Variants in PKIB observed in about 807,000 individuals in gnomAD.
The protein encoded by PKIB is PKI-beta.
A neutral mutation model predicts 4.5 loss-of-function variants in PKIB; 2 were observed. That is an observed-to-expected ratio of 0.44 (90% confidence interval 0.18 to 1.39). The LOEUF (loss-of-function observed/expected upper bound fraction) is 1.39, where lower values mean the gene tolerates loss of function less well. Among genes scored for constraint, PKIB ranks in the 40% most tolerant of loss-of-function variants. The pLI is 0.27. For missense variants in PKIB, 94 were observed against 92.6 expected, an observed-to-expected ratio of 1.02 and a Z score of -0.06; for synonymous variants, 38 against 36.0, an observed-to-expected ratio of 1.06 and a Z score of -0.20.
At chr6:122,495,217 A>C (rs79836993) in intron 2 of PKIB, among the ~76,000 whole-genome samples, 6 of 152,072 alleles carry the variant, frequency 3.9e-5, no homozygotes, top group Non-Finnish European at 4.4e-5. Context: ...CATGCCACCA[A>C]TAGCAAAGTC....
At chr6:122,688,533 G>A (rs1778184960) in intron 3 of PKIB, among the ~76,000 whole-genome samples, 1 of 152,022 alleles carries the variant, frequency 6.6e-6, no homozygotes, top group Non-Finnish European at 1.5e-5. Context: ...ACTGGTATTA[G>A]TTCTTCTTTA....
rs1188373142 is a variant in PKIB, at chr6:122,591,950, A to T, written c.-161+5943A>T. Among the ~76,000 whole-genome samples, 26 of 150,072 alleles carry T rather than the reference A, an allele frequency of 1.7e-4. 1 individual carries two copies. On this transcript the variant is annotated intron_variant, in intron 3 of 6. Transcript: ENST00000392491. Reference sequence around the variant, plus strand: ...AAAAAACAAAGTGAACTATTTGGTTATTAATGTCCTCAACTGGGATTCAAC... The same window carrying T: ...AAAAAACAAAGTGAACTATTTGGTTTTTAATGTCCTCAACTGGGATTCAAC...
chr6:122,624,067 G>T (rs1365642986), intron 1 of PKIB, among the ~76,000 whole-genome samples: 5 of 152,060 alleles, frequency 3.3e-5, no homozygotes, highest in Admixed American at 2.6e-4. Flanking sequence ...GTTCCAGAAA[G>T]TTTAAGTAAC....
chr6:122,560,506 G>A (rs1326043487), intron 2 of PKIB, among the ~76,000 whole-genome samples: 1 of 151,772 alleles, frequency 6.6e-6, no homozygotes, highest in Non-Finnish European at 1.5e-5. Context: ...TTTCTTTTTT[G>A]GTTATGTCCT....
chr6:122,664,608 C>G (rs182172745), intron 2 of PKIB, among the ~76,000 whole-genome samples: 147 of 152,158 alleles, frequency 9.7e-4, no homozygotes, highest in African/African-American at 3.4e-3. Context: ...GGTAAAGTCT[C>G]ACTATGTTGC....
chr6:122,535,502 C>A (rs1052848350), intron 2 of PKIB, among the ~76,000 whole-genome samples: 5 of 152,038 alleles, frequency 3.3e-5, no homozygotes, highest in African/African-American at 1.2e-4. Flanking sequence ...TTCTGTTGTC[C>A]TATGCTGCCA....
chr6:122,652,452 G>A lies in PKIB; in HGVS notation c.-76+19085G>A, dbSNP rs908278464. 2.6e-5 allele frequency among the ~76,000 whole-genome samples: 4 copies of A among 152,040 alleles called. No individual in the cohort carries two copies. In the South Asian group the frequency reaches 8.3e-4, roughly 32 times the overall value. On this transcript the variant is annotated intron_variant, in intron 2 of 4. Transcript: ENST00000368452. ...GAATTCCTTGGAGGAAACTTAAGCT[G>A]CATGTTTTCTTCATCAGGGAAAGCA...
intron 2 of PKIB, among the ~76,000 whole-genome samples, chr6:122,563,458 G>A (rs1193913951): frequency 4.6e-5 from 7 of 152,074 alleles, no homozygotes; most frequent in African/African-American, 1.7e-4. Flanking sequence ...AGGTGGTGGC[G>A]CTTTCCAGAA....
At chr6:122,618,418 G>A (rs1431967781) in intron 1 of PKIB, among the ~76,000 whole-genome samples, 1 of 151,732 alleles carries the variant, frequency 6.6e-6, no homozygotes, top group African/African-American at 2.4e-5. Context: ...GGCAAGTAAT[G>A]TTTTCCACTT....
intron 1 of PKIB, among the ~76,000 whole-genome samples, chr6:122,618,095 T>C (rs1216416766): frequency 1.3e-5 from 2 of 152,130 alleles, no homozygotes; most frequent in Non-Finnish European, 2.9e-5. Context: ...AGGAAACACT[T>C]TCTAGTTTGC....
intron 2 of PKIB, among the ~76,000 whole-genome samples, chr6:122,486,704 G>A (rs1157439390): frequency 1.3e-5 from 2 of 152,026 alleles, no homozygotes; most frequent in Non-Finnish European, 2.9e-5. Context: ...TAGTTAGAGT[G>A]AATTTTATTA....
At chr6:122,671,937 C>T (rs1028811496) in intron 2 of PKIB, among the ~76,000 whole-genome samples, 1 of 152,070 alleles carries the variant, frequency 6.6e-6, no homozygotes, top group Non-Finnish European at 1.5e-5. Context: ...TTTTACCAAA[C>T]CCTAGTACCA....
chr6:122,514,976 G>T (rs763567021), intron 2 of PKIB, among the ~76,000 whole-genome samples: 2 of 152,276 alleles, frequency 1.3e-5, no homozygotes, highest in Middle Eastern at 3.4e-3. Flanking sequence ...AGAGTAAATG[G>T]TACAGTTTGG....
intron 3 of PKIB, among the ~76,000 whole-genome samples, chr6:122,684,199 GGGAGTTACTAATCAATA>G (rs1227349283): frequency 6.6e-6 from 1 of 152,014 alleles, no homozygotes; most frequent in African/African-American, 2.4e-5. Flanking sequence ...CAAGGAAATG[GGGAGTTACTAATCAATA>G]GGCATAAAGT....
Position 122,518,986 on chromosome 6 carries a change from G to T in PKIB, c.-248+41047G>T, listed in dbSNP as rs149353014. Among the ~76,000 whole-genome samples, 7 of 152,288 alleles carry T rather than the reference G, an allele frequency of 4.6e-5. No individual in the cohort carries two copies. The East Asian group carries it at 1.4e-3, about 29-fold the overall frequency. On this transcript the variant is annotated intron_variant, in intron 2 of 6. Coordinates refer to the PKIB transcript ENST00000392491. The stretch of plus-strand genomic sequence containing the variant: ...GGGAATGTACCATCTAGAGGAAGAA[G>T]AAAATGCTATAATACAAGTATGAGC...
In PKIB at chr6:122,662,308, C is replaced by CTTTTTTTTTTTTTTTTTTTTTTTTTTTT. The variant is rs71021412; in HGVS notation, c.-75-12768_-75-12741dup. ...CTCTCCTTCTTTCTTTCCTTGTCTC[C>CTTTTTTTTTTTTTTTTTTTTTTTTTTTT]TTTTTTTTTTTTTTTTTTTTTTTTT... On this transcript the variant is annotated intron_variant, in intron 2 of 4. Coordinates refer to ENST00000368452, the MANE Select transcript of PKIB (RefSeq NM_181795.3). Among the ~76,000 whole-genome samples the CTTTTTTTTTTTTTTTTTTTTTTTTTTTT allele has an allele frequency of 1.9e-3, 25 of 13,268 alleles. 6 individuals carry two copies. Among genetic ancestry groups the CTTTTTTTTTTTTTTTTTTTTTTTTTTTT allele is most frequent in the Non-Finnish European group, 2.7e-3 (18 of 6,652 alleles). 8.7% of individuals were successfully genotyped at this position (13,268 alleles called of 152,430 possible). A position where few individuals can be genotyped will look rare whatever the true frequency, so the allele number is the denominator to read the frequency against.
intron 2 of PKIB, among the ~76,000 whole-genome samples, chr6:122,561,716 T>C (rs2114673084): frequency 6.6e-6 from 1 of 152,264 alleles, no homozygotes; most frequent in Non-Finnish European, 1.5e-5. Flanking sequence ...TTGTTTTGTC[T>C]GATATAAGAA....
At chr6:122,646,730 T>C (rs957074658) in intron 2 of PKIB, among the ~76,000 whole-genome samples, 22 of 152,320 alleles carry the variant, frequency 1.4e-4, no homozygotes, top group African/African-American at 5.3e-4. Flanking sequence ...ATAAAATTTT[T>C]CTGTCATAAA....
rs1205758761 is a variant in PKIB, at chr6:122,583,073, C to T, written c.-247-2848C>T. Among the ~76,000 whole-genome samples, 4 of 151,818 alleles carry T rather than the reference C, an allele frequency of 2.6e-5. No individual in the cohort carries two copies. In the East Asian group the frequency reaches 7.7e-4, roughly 29 times the overall value. ...AAAACATTTATACCCCAAGTGTTTT[C>T]TTTCTTTTCCTTTTTTCTATTTATC... On this transcript the variant is annotated intron_variant, in intron 2 of 6. Transcript: ENST00000392491.
Sources: allele counts gnomAD v4.1 joint callset (sites outside exome capture counted in the v4.1 genomes callset), GRCh38; gene constraint gnomAD v4.1.1; transcripts MANE v1.5; gene names NCBI Gene and HGNC (gene_info 2026-07-23, HGNC 2026-07-21).